LOXHD1: variants seen among roughly 807,000 people sequenced by gnomAD.
LOXHD1 encodes lipoxygenase homology PLAT domains 1, also known as lipoxygenase homology domain-containing protein 1.
A neutral mutation model predicts 248.2 loss-of-function variants in LOXHD1; 205 were observed. The ratio of observed to expected loss-of-function variants is 0.83; its 90% CI spans 0.74 to 0.93. LOXHD1 has a LOEUF of 0.93. LOXHD1 is among the 40% of genes least tolerant of loss of function. LOXHD1 has a pLI of 0.00. For missense variants in LOXHD1, 2,930 were observed against 2,971.6 expected, an observed-to-expected ratio of 0.99 and a Z score of 0.33; for synonymous variants, 1,113 against 1,162.8, an observed-to-expected ratio of 0.96 and a Z score of 0.87.
intron 6 of LOXHD1, among the ~76,000 whole-genome samples, chr18:46,605,543 T>C (rs1386549899): frequency 6.6e-6 from 1 of 151,904 alleles, no homozygotes; most frequent in Non-Finnish European, 1.5e-5. Context: ...AAATAAAAAG[T>C]ATATAGATTT....
At chr18:46,512,867 C>A (rs2035048372) in intron 34 of LOXHD1, among the ~76,000 whole-genome samples, 1 of 152,138 alleles carries the variant, frequency 6.6e-6, no homozygotes, top group African/African-American at 2.4e-5. Flanking sequence ...TGAAAATGAG[C>A]AAATCACAAT....
chr18:46,583,624 C>T (rs756265218), intron 12 of LOXHD1, among the ~76,000 whole-genome samples: 9 of 151,814 alleles, frequency 5.9e-5, no homozygotes, highest in Non-Finnish European at 1.2e-4. Flanking sequence ...AAATGCAAAT[C>T]GAAACCATAG....
At chr18:46,545,645 T>C (rs1324859542) in intron 22 of LOXHD1, among the ~76,000 whole-genome samples, 1 of 106,564 alleles carries the variant, frequency 9.4e-6, no homozygotes, top group African/African-American at 3.2e-5. Flanking sequence ...TTTTTTTTTT[T>C]TTGAGACGGA....
intron 12 of LOXHD1, among the ~76,000 whole-genome samples, chr18:46,584,653 A>G (rs528428165): frequency 6.6e-6 from 1 of 152,278 alleles, no homozygotes; most frequent in South Asian, 2.1e-4. Context: ...CAGAGAAGAA[A>G]TAATACTAAT....
At chr18:46,491,499 A>G (rs1216100564) in intron 37 of LOXHD1, among the ~76,000 whole-genome samples, 1 of 152,218 alleles carries the variant, frequency 6.6e-6, no homozygotes, top group African/African-American at 2.4e-5. Context: ...ATGTATCAGG[A>G]CCAGAGTCAG....
In LOXHD1 at chr18:46,557,446, G is replaced by C; in HGVS notation, c.3260C>G (p.Thr1087Ser). The C allele has an allele frequency of 6.4e-7, 1 of 1,552,078 alleles. No individual in the cohort carries two copies. Among genetic ancestry groups the C allele is most frequent in the Non-Finnish European group, 8.7e-7 (1 of 1,147,104 alleles). The change falls in exon 21 of 41, where the codon ACC becomes AGC. Residue 1087 changes from threonine to serine, a missense_variant. Coordinates refer to ENST00000642948, the MANE Select transcript of LOXHD1 (RefSeq NM_001384474.1). Reference sequence around the variant, plus strand: ...GTTGTCGTGGCGAATCCGAATCTTGGTCAGGGCCCCCAGGTCAATGGCATA... The same window carrying C: ...GTTGTCGTGGCGAATCCGAATCTTGCTCAGGGCCCCCAGGTCAATGGCATA... Reference protein sequence around the residue: ...TIYAIDLGALTKIRIRHDNTG... With the variant: ...TIYAIDLGALSKIRIRHDNTG...
chr18:46,582,120 A>G (rs1181876580), intron 12 of LOXHD1, among the ~76,000 whole-genome samples: 2 of 152,240 alleles, frequency 1.3e-5, no homozygotes, highest in African/African-American at 4.8e-5. Context: ...AAGCAATGAC[A>G]TAAGTAAATA....
At chr18:46,608,694 C>T (rs1374234749) in intron 6 of LOXHD1, among the ~76,000 whole-genome samples, 3 of 152,198 alleles carry the variant, frequency 2.0e-5, no homozygotes, top group Non-Finnish European at 4.4e-5. Context: ...CCAATCCAAG[C>T]AGCAGTTCCA....
chr18:46,545,669 G>T (rs1289104981), intron 22 of LOXHD1, among the ~76,000 whole-genome samples: 3 of 110,226 alleles, frequency 2.7e-5, no homozygotes, highest in Non-Finnish European at 5.1e-5. Flanking sequence ...TCGCTCTGTC[G>T]CCCAGGCTGG....
Position 46,529,205 on chromosome 18 carries a change from TTC to T in LOXHD1, c.4500_4501del (p.Asn1501ProfsTer11). 1 of 1,551,530 alleles carries T rather than the reference TTC, an allele frequency of 6.4e-7. No homozygotes were observed. The highest frequency in any genetic ancestry group is 8.7e-7 in the Non-Finnish European group (1 of 1,146,968). On this transcript the variant is annotated frameshift_variant, in exon 29 of 41. Transcript: ENST00000642948. LOFTEE classifies it high-confidence loss of function. ...TCCTCTCTCGAACTTGTTGGTCCGG[TTC>T]TCTGACTTGCCAAGGTATCGCTCCC...
At chr18:46,542,943 T>C in intron 23 of LOXHD1, 88 bp from the exon 24 acceptor site, 3 of 1,515,292 alleles carry the variant, frequency 2.0e-6, no homozygotes, top group South Asian at 1.2e-5. Flanking sequence ...CTTTTCAAAA[T>C]GACCAAATTT....
chr18:46,511,264 T>C (rs1041615019), intron 34 of LOXHD1, among the ~76,000 whole-genome samples: 4 of 152,192 alleles, frequency 2.6e-5, no homozygotes, highest in African/African-American at 9.6e-5. Flanking sequence ...TCCTTCAGTC[T>C]TCCCAACTCA....
chr18:46,618,078 A>G (rs1295451192), intron 5 of LOXHD1, 114 bp downstream of exon 5: 2 of 705,744 alleles, frequency 2.8e-6, no homozygotes, highest in Non-Finnish European at 4.9e-6. Context: ...GAGATGCTCA[A>G]TAGAGGAGCC....
chr18:46,610,965 GAAGAA>G, intron 5 of LOXHD1, 41 bp from the exon 6 acceptor site: 1 of 1,545,128 alleles, frequency 6.5e-7, no homozygotes, highest in Non-Finnish European at 8.7e-7. Context: ...AAAAAGACCA[GAAGAA>G]AAGAATTTCC....
intron 18 of LOXHD1, among the ~76,000 whole-genome samples, chr18:46,562,188 C>T (rs919282779): frequency 6.6e-6 from 1 of 152,214 alleles, no homozygotes; most frequent in Admixed American, 6.5e-5. Flanking sequence ...GTGTCTGGCT[C>T]AATGAGGCTC....
At chr18:46,623,653 T>C (rs963423349) in intron 4 of LOXHD1, among the ~76,000 whole-genome samples, 2 of 152,238 alleles carry the variant, frequency 1.3e-5, no homozygotes, top group Non-Finnish European at 2.9e-5. Flanking sequence ...AAACAGGAAA[T>C]CCGTCCCTTG....
In LOXHD1 at chr18:46,618,292, T is replaced by A. The variant is rs1201905882; in HGVS notation, c.512-2A>T. The A allele has an allele frequency of 1.3e-6, 2 of 1,546,142 alleles. No individual in the cohort carries two copies. Among genetic ancestry groups the A allele is most frequent in the Non-Finnish European group, 1.8e-6 (2 of 1,142,326 alleles). On this transcript the variant is annotated splice_acceptor_variant, in intron 4 of 40. Coordinates refer to ENST00000642948, the MANE Select transcript of LOXHD1 (RefSeq NM_001384474.1). LOFTEE classifies it high-confidence loss of function. Reference sequence around the variant, plus strand: ...ATACCTTGACTTCATACTTATTACCTAGGAACAAGGAGAGAGAAAAACCTT... The same window carrying A: ...ATACCTTGACTTCATACTTATTACCAAGGAACAAGGAGAGAGAAAAACCTT...
intron 4 of LOXHD1, among the ~76,000 whole-genome samples, chr18:46,621,002 C>T (rs2038661676): frequency 6.6e-6 from 1 of 152,156 alleles, no homozygotes; most frequent in African/African-American, 2.4e-5. Context: ...ATCAGGAGAC[C>T]AGGGCTGGTG....
intron 38 of LOXHD1, among the ~76,000 whole-genome samples, chr18:46,488,135 C>A (rs942328641): frequency 3.3e-5 from 5 of 152,146 alleles, no homozygotes; most frequent in African/African-American, 9.7e-5. Flanking sequence ...GCTGACTGGG[C>A]AGCCTTAAAA....
Sources: allele counts gnomAD v4.1 joint callset (sites outside exome capture counted in the v4.1 genomes callset), GRCh38; gene constraint gnomAD v4.1.1; transcripts MANE v1.5; gene names NCBI Gene and HGNC (gene_info 2026-07-23, HGNC 2026-07-21).